The following RBFOX1 variants were observed in gnomAD, a reference collection of about 807,000 sequenced individuals.
RBFOX1 encodes the protein RNA binding fox-1 homolog 1.
Under a neutral mutation model 57.7 loss-of-function variants are expected in RBFOX1, and 8 were observed. The observed-to-expected ratio is 0.14, with a 90% CI of 0.08 to 0.25. The LOEUF is 0.25. RBFOX1 is among the 10% of genes least tolerant of loss of function. RBFOX1 has a pLI of 1.00. For missense variants in RBFOX1, 611 were observed against 548.5 expected (o/e 1.11, Z -1.14); for synonymous variants, 326 against 222.4 (o/e 1.47, Z -4.15).
At chr16:5,981,936 A>G (rs1165330793) in intron 4 of RBFOX1, among the ~76,000 whole-genome samples, 2 of 152,232 alleles carry the variant, frequency 1.3e-5, no homozygotes, top group African/African-American at 4.8e-5. Context: ...CTCACCACAA[A>G]GAACTATGCA....
intron 3 of RBFOX1, among the ~76,000 whole-genome samples, chr16:6,799,459 A>G (rs1603626183): frequency 6.6e-6 from 1 of 152,302 alleles, no homozygotes; most frequent in East Asian, 1.9e-4. Context: ...TCCCAGAGCC[A>G]TTCATGATGG....
Position 5,567,635 on chromosome 16 carries a change from C to CAAAAAA in RBFOX1, c.259-31249_259-31244dup, listed in dbSNP as rs34858401. 1.3e-4 allele frequency among the ~76,000 whole-genome samples: 8 copies of CAAAAAA among 63,148 alleles called. 1 individual carries two copies. The highest frequency in any genetic ancestry group is 1.6e-4 in the Non-Finnish European group (6 of 37,256). The allele number at this position is 63,148 out of a possible 152,430, so 41.4% of individuals were successfully genotyped here. A position where few individuals can be genotyped will look rare whatever the true frequency, so the allele number is the denominator to read the frequency against. The stretch of plus-strand genomic sequence containing the variant: ...AGTGGGGGGGTATTCAGGTTATAGG[C>CAAAAAA]AAAAAAAAAAAAAAAAAAAAAAAGC... On this transcript the variant is annotated intron_variant, in intron 2 of 2. Transcript: ENST00000585867.
chr16:5,366,060 T>A (rs1190229721), intron 1 of RBFOX1: 2 of 474,464 alleles, frequency 4.2e-6, no homozygotes, highest in Non-Finnish European at 4.1e-6. Context: ...TGGTTTCCCT[T>A]GGGGCTTTGA....
chr16:6,276,611 G>C (rs2152687866), intron 1 of RBFOX1, among the ~76,000 whole-genome samples: 1 of 152,276 alleles, frequency 6.6e-6, no homozygotes, highest in African/African-American at 2.4e-5. Flanking sequence ...CAAAAGTGCT[G>C]GGATTACAGG....
chr16:5,827,525 C>T (rs559871912), intron 3 of RBFOX1, among the ~76,000 whole-genome samples: 2 of 152,030 alleles, frequency 1.3e-5, no homozygotes, highest in Non-Finnish European at 2.9e-5. Context: ...CATCAAGACT[C>T]CGCAAGATTT....
At chr16:6,229,293 C>T (rs141018868) in intron 1 of RBFOX1, among the ~76,000 whole-genome samples, 1 of 152,328 alleles carries the variant, frequency 6.6e-6, no homozygotes, top group African/African-American at 2.4e-5. Context: ...ATACTTTGAA[C>T]AGTCTCATCG....
intron 3 of RBFOX1, among the ~76,000 whole-genome samples, chr16:6,847,493 G>T (rs561254413): frequency 6.6e-6 from 1 of 152,068 alleles, no homozygotes; most frequent in Non-Finnish European, 1.5e-5. Context: ...CCTTACCACT[G>T]TGGCCCACGT....
At chr16:6,875,613 G>A (rs1044004932) in intron 3 of RBFOX1, among the ~76,000 whole-genome samples, 2 of 152,212 alleles carry the variant, frequency 1.3e-5, no homozygotes, top group African/African-American at 4.8e-5. Context: ...CAGCAGAGAA[G>A]GTTAGAGTTG....
intron 4 of RBFOX1, among the ~76,000 whole-genome samples, chr16:7,312,414 G>A (rs559207619): frequency 1.3e-5 from 2 of 152,246 alleles, no homozygotes; most frequent in South Asian, 4.1e-4. Flanking sequence ...AACAAAGGAA[G>A]GCAATATGTT....
At chr16:7,463,821 ACT>A (rs1271520223) in intron 4 of RBFOX1, among the ~76,000 whole-genome samples, 2 of 152,180 alleles carry the variant, frequency 1.3e-5, no homozygotes, top group Non-Finnish European at 2.9e-5. Context: ...TTTAAATGTC[ACT>A]CTATACCAGC....
chr16:5,858,569 G>T (rs2057129377), intron 3 of RBFOX1, among the ~76,000 whole-genome samples: 1 of 152,176 alleles, frequency 6.6e-6, no homozygotes, highest in Non-Finnish European at 1.5e-5. Context: ...TAAGGCAGTT[G>T]CCGAGCACCA....
At chr16:6,948,375 C>CTTTTTTTTTTTTTTTTT (rs968186299) in intron 3 of RBFOX1, among the ~76,000 whole-genome samples, 3 of 67,970 alleles carry the variant, frequency 4.4e-5, no homozygotes, top group Non-Finnish European at 8.5e-5. Context: ...TTCTCCCTTT[C>CTTTTTTTTTTTTTTTTT]TTTTTTTTTT....
At chr16:7,622,386 G>A (rs1192876522) in intron 10 of RBFOX1, among the ~76,000 whole-genome samples, 1 of 152,102 alleles carries the variant, frequency 6.6e-6, no homozygotes, top group East Asian at 1.9e-4. Context: ...AAACACTTTG[G>A]GAACTCTTAT....
intron 4 of RBFOX1, among the ~76,000 whole-genome samples, chr16:7,350,721 G>A (rs759649646): frequency 7.9e-5 from 12 of 152,122 alleles, no homozygotes; most frequent in South Asian, 2.1e-4. Context: ...TTCATTGACC[G>A]GAGAATTCTG....
intron 5 of RBFOX1, among the ~76,000 whole-genome samples, chr16:7,566,581 T>C (rs1411853428): frequency 2.6e-5 from 4 of 152,164 alleles, no homozygotes; most frequent in Non-Finnish European, 5.9e-5. Flanking sequence ...CTAGTTGTTA[T>C]GGCGACTCGG....
At chr16:6,898,575 A>T (rs2067559534) in intron 3 of RBFOX1, among the ~76,000 whole-genome samples, 1 of 152,190 alleles carries the variant, frequency 6.6e-6, no homozygotes, top group Non-Finnish European at 1.5e-5. Context: ...ACGGTACATA[A>T]ACTTCTCATG....
intron 4 of RBFOX1, among the ~76,000 whole-genome samples, chr16:7,295,022 A>G (rs1369253515): frequency 6.6e-6 from 1 of 152,204 alleles, no homozygotes; most frequent in Non-Finnish European, 1.5e-5. Flanking sequence ...AAAAAAATTA[A>G]TTACCATCTG....
chr16:5,407,027 A>G (rs12935704), intron 1 of RBFOX1, among the ~76,000 whole-genome samples: 20,821 of 152,190 alleles, frequency 0.14, 1,599 homozygotes, highest in Non-Finnish European at 0.17. Context: ...TGGGTAATTT[A>G]TAAAAGGCAG....
chr16:7,388,025 T>C (rs1761093375), intron 4 of RBFOX1, among the ~76,000 whole-genome samples: 1 of 151,680 alleles, frequency 6.6e-6, no homozygotes, highest in Non-Finnish European at 1.5e-5. Flanking sequence ...CAAAACAAAA[T>C]ATCCTTTTTT....
Sources: gnomAD v4.1 joint callset for allele counts (sites outside exome capture counted in the v4.1 genomes callset) on GRCh38, gnomAD v4.1.1 for gene constraint, MANE v1.5 for transcripts, NCBI Gene and HGNC (gene_info 2026-07-23, HGNC 2026-07-21) for gene names.